FAM81A: variants seen among roughly 807,000 people sequenced by gnomAD.
The protein encoded by FAM81A is protein FAM81A.
FAM81A carries 19 observed loss-of-function variants against 46.7 expected under a neutral mutation model. That is an observed-to-expected ratio of 0.41 (90% CI 0.28 to 0.60). The LOEUF is 0.60. Among genes scored for constraint, FAM81A ranks in the 20% least tolerant of loss-of-function variants. FAM81A has a pLI of 0.34. For synonymous variants in FAM81A, 183 were observed against 152.9 expected (o/e 1.20, Z -1.45); for missense variants, 377 against 453.5 (o/e 0.83, Z 1.53).
intron 2 of FAM81A, among the ~76,000 whole-genome samples, chr15:59,403,763 T>C (rs2081082056): frequency 1.9e-5 from 1 of 53,264 alleles, no homozygotes; most frequent in Admixed American, 2.7e-4. Flanking sequence ...AGGTAATTGA[T>C]TTCTTTTCAG....
intron 8 of FAM81A, among the ~76,000 whole-genome samples, chr15:59,520,465 A>G (rs1227348340): frequency 1.3e-5 from 2 of 151,876 alleles, no homozygotes; most frequent in Admixed American, 1.3e-4. Context: ...TTTAGTCTCT[A>G]TTAATCTGGA....
At chr15:59,508,451 C>T (rs536775036) in intron 5 of FAM81A, among the ~76,000 whole-genome samples, 2 of 152,082 alleles carry the variant, frequency 1.3e-5, no homozygotes, top group South Asian at 4.1e-4. Flanking sequence ...GGTGACCTGA[C>T]TTGTTATGGA....
intron 4 of FAM81A, among the ~76,000 whole-genome samples, chr15:59,506,826 C>T (rs184517054): frequency 6.5e-4 from 99 of 152,320 alleles, no homozygotes; most frequent in African/African-American, 2.3e-3. Context: ...TATTTTCTAA[C>T]ATGGTAGAAG....
chr15:59,440,089 A>G (rs1372262431), intron 1 of FAM81A: 1 of 152,110 alleles, frequency 6.6e-6, no homozygotes, highest in African/African-American at 2.4e-5. Flanking sequence ...CCTCCAAACC[A>G]ATGCACCATC....
At chr15:59,483,854 CTT>C (rs2081884665) in intron 3 of FAM81A, among the ~76,000 whole-genome samples, 1 of 152,202 alleles carries the variant, frequency 6.6e-6, no homozygotes, top group African/African-American at 2.4e-5. Context: ...AGGCTCACTG[CTT>C]CGCACCCTAT....
In FAM81A at chr15:59,516,651, A is replaced by T; in HGVS notation, c.793A>T (p.Ser265Cys). 6.2e-7 allele frequency: 1 copy of T among 1,610,210 alleles called. No individual in the cohort carries two copies. The highest frequency in any genetic ancestry group is 8.5e-7 in the Non-Finnish European group (1 of 1,178,952). ...SLIVKENSGA[S>C]ERDMEKKLSQ... ...TTCTTATCATGGATCTCAGGGAGCC[A>T]GTGAAAGGGATATGGAGAAGAAGCT... The change falls in exon 8 of 9, where the codon AGT (serine) becomes TGT (cysteine). Residue 265 changes from serine to cysteine, a missense_variant. Ser to Cys is a moderately radical substitution (Grantham distance 112, BLOSUM62 -1). Coordinates refer to ENST00000288228, the MANE Select transcript of FAM81A (RefSeq NM_152450.3).
Position 59,521,493 on chromosome 15 carries a change from G to A in FAM81A, c.*115G>A. On this transcript the variant is annotated 3_prime_UTR_variant, in exon 9 of 9. Transcript: ENST00000288228. ...ATTGTTCCATCCATGGCGTGCATGT[G>A]CCAAGAAATGTGTTTTTATGGGTCT... 1 of 1,263,880 alleles carries A rather than the reference G, an allele frequency of 7.9e-7. No homozygotes were observed. The highest frequency in any genetic ancestry group is 1.1e-6 in the Non-Finnish European group (1 of 952,020). 78.3% of individuals were successfully genotyped at this position (1,263,880 alleles called of 1,614,324 possible).
intron 3 of FAM81A, among the ~76,000 whole-genome samples, chr15:59,462,535 A>G (rs189185232): frequency 1.3e-5 from 2 of 152,312 alleles, no homozygotes; most frequent in Non-Finnish European, 2.9e-5. Context: ...TACCATTTTA[A>G]CCATTTTAAG....
At chr15:59,470,248 T>C (rs999106342) in intron 3 of FAM81A, among the ~76,000 whole-genome samples, 32 of 152,174 alleles carry the variant, frequency 2.1e-4, no homozygotes, top group African/African-American at 7.2e-4. Flanking sequence ...ATTTGAATGT[T>C]GGCCTGGCTA....
At chr15:59,446,661 G>T (rs1370258217) in intron 1 of FAM81A, 2 of 152,176 alleles carry the variant, frequency 1.3e-5, no homozygotes, top group Admixed American at 6.5e-5. Flanking sequence ...GAAAATATCT[G>T]CTCTGGGACC....
chr15:59,444,800 A>G (rs1438401666), intron 1 of FAM81A, among the ~76,000 whole-genome samples: 1 of 152,110 alleles, frequency 6.6e-6, no homozygotes, highest in African/African-American at 2.4e-5. Flanking sequence ...TTTATGTTCC[A>G]TGAGTTTTTC....
intron 2 of FAM81A, among the ~76,000 whole-genome samples, chr15:59,426,753 C>G (rs554315857): frequency 6.6e-6 from 1 of 152,340 alleles, no homozygotes; most frequent in East Asian, 1.9e-4. Flanking sequence ...ATTTAGTTCT[C>G]CAACACGCCT....
chr15:59,461,728 T>G (rs1033519453), intron 3 of FAM81A, among the ~76,000 whole-genome samples: 1 of 152,186 alleles, frequency 6.6e-6, no homozygotes, highest in East Asian at 1.9e-4. Flanking sequence ...TATACCACAT[T>G]CTGTTTAACC....
chr15:59,452,002 C>G (rs2081424747), intron 1 of FAM81A, among the ~76,000 whole-genome samples: 1 of 152,190 alleles, frequency 6.6e-6, no homozygotes, highest in African/African-American at 2.4e-5. Flanking sequence ...ATGGAGCATG[C>G]AGCATAGAGC....
chr15:59,443,563 C>G (rs1193847796), intron 1 of FAM81A, among the ~76,000 whole-genome samples: 1 of 152,160 alleles, frequency 6.6e-6, no homozygotes, highest in African/African-American at 2.4e-5. Context: ...TGCCCTGTAG[C>G]TTGGCCTTGT....
chr15:59,514,146 G>A (rs1640282485), intron 6 of FAM81A, 143 bp from the exon 7 acceptor site: 2 of 836,056 alleles, frequency 2.4e-6, no homozygotes, highest in Admixed American at 3.0e-5. Context: ...CTAGGTGATG[G>A]GTTGACAGAT....
At chr15:59,399,865 A>G (rs1347543748) in intron 1 of FAM81A, among the ~76,000 whole-genome samples, 2 of 152,066 alleles carry the variant, frequency 1.3e-5, no homozygotes, top group East Asian at 1.9e-4. Flanking sequence ...ATAGTATGCC[A>G]TAGCCTTGTT....
intron 2 of FAM81A, among the ~76,000 whole-genome samples, chr15:59,417,066 G>A (rs1185632364): frequency 6.6e-6 from 1 of 152,082 alleles, no homozygotes; most frequent in Non-Finnish European, 1.5e-5. Flanking sequence ...GAGACATGGG[G>A]AAGGAGCTAA....
In FAM81A at chr15:59,491,062, G is replaced by A. The variant is rs2081975358; in HGVS notation, c.295-1209G>A. Among the ~76,000 whole-genome samples, 3 of 152,258 alleles carry A rather than the reference G, an allele frequency of 2.0e-5. 1 individual carries two copies. In the South Asian group the frequency reaches 6.2e-4, roughly 32 times the overall value. ...TATGATTCAGCAATCCCACTGCTAG[G>A]TATATACCTACAAGAAAGGAAATCA... On this transcript the variant is annotated intron_variant, in intron 3 of 8. Coordinates refer to ENST00000288228, the MANE Select transcript of FAM81A (RefSeq NM_152450.3).
Sources: allele counts gnomAD v4.1 joint callset (sites outside exome capture counted in the v4.1 genomes callset), GRCh38; gene constraint gnomAD v4.1.1; transcripts MANE v1.5; gene names NCBI Gene and HGNC (gene_info 2026-07-23, HGNC 2026-07-21).